LTB4R: variants seen among roughly 807,000 people sequenced by gnomAD.
LTB4R encodes leukotriene B4 receptor.
For synonymous variants in LTB4R, 250 were observed against 230.7 expected, an observed-to-expected ratio of 1.08 and a Z score of -0.76; for missense variants, 470 against 485.6, an observed-to-expected ratio of 0.97 and a Z score of 0.30.
At chr14:24,313,574 T>C (rs2041742845) in intron 1 of LTB4R, 2 of 82,066 alleles carry the variant, frequency 2.4e-5, no homozygotes, top group Admixed American at 3.4e-4. Context: ...GAAGGACTTT[T>C]TAGTTTCTTT....
intron 1 of LTB4R, among the ~76,000 whole-genome samples, chr14:24,312,758 G>A (rs897981572): frequency 6.6e-6 from 1 of 152,136 alleles, no homozygotes; most frequent in African/African-American, 2.4e-5. Flanking sequence ...CCCTTTGATT[G>A]GGGGATGTAG....
intron 1 of LTB4R, 154 bp downstream of exon 1, chr14:24,311,958 C>T (rs1056362969): frequency 1.1e-5 from 6 of 539,712 alleles, no homozygotes; most frequent in Non-Finnish European, 2.0e-5. Flanking sequence ...TGTGTGCTTG[C>T]AAGTTGGCAT....
chr14:24,312,646 T>G (rs2041728589), intron 1 of LTB4R, among the ~76,000 whole-genome samples: 1 of 152,210 alleles, frequency 6.6e-6, no homozygotes, highest in Non-Finnish European at 1.5e-5. Context: ...TCTGGGCTCC[T>G]TCTAAGATGC....
At position 24,317,097 on chromosome 14, in the gene LTB4R, C is replaced by A; in HGVS notation, c.*387C>A. ...AAAGAAACATAGACTTCCCCCATCC[C>A]AGATGATTCCGAGTACATAGTCTGC... On this transcript the variant is annotated 3_prime_UTR_variant, in exon 2 of 2. Transcript: ENST00000345363. 1 of 194,444 alleles carries A rather than the reference C, an allele frequency of 5.1e-6. No individual in the cohort carries two copies. Among genetic ancestry groups the A allele is most frequent in the Non-Finnish European group, 1.2e-5 (1 of 86,012 alleles). The allele number at this position is 194,444 out of a possible 1,614,324, so 12.0% of individuals were successfully genotyped here.
Position 24,315,715 on chromosome 14 carries a change from A to C in LTB4R, c.64A>C (p.Ile22Leu). Residue 22 changes from isoleucine (I) to leucine (L), a missense_variant, in exon 2 of 2, where the codon ATC (isoleucine) becomes CTC (leucine). Ile to Leu is a conservative substitution (Grantham distance 5, BLOSUM62 2). Coordinates refer to ENST00000345363, the MANE Select transcript of LTB4R (RefSeq NM_001143919.3). ...LGVEFISLLA[I>L]ILLSVALAVG... ...TGTAGAGTTCATCTCTCTGCTGGCT[A>C]TCATCCTGCTGTCAGTGGCGCTGGC... 6.2e-7 allele frequency: 1 copy of C among 1,614,170 alleles called. No individual in the cohort carries two copies. The highest frequency in any genetic ancestry group is 8.5e-7 in the Non-Finnish European group (1 of 1,180,026).
At position 24,316,576 on chromosome 14, in the gene LTB4R, G is replaced by T; in HGVS notation, c.925G>T (p.Gly309Cys). 6.9e-7 allele frequency: 1 copy of T among 1,439,780 alleles called. No homozygotes were observed. Among genetic ancestry groups the T allele is most frequent in the Non-Finnish European group, 9.1e-7 (1 of 1,104,076 alleles). The allele number at this position is 1,439,780 out of a possible 1,614,324, so 89.2% of individuals were successfully genotyped here. A position where few individuals can be genotyped will look rare whatever the true frequency, so the allele number is the denominator to read the frequency against. The change falls in exon 2 of 2, where the codon GGC becomes TGC. Residue 309 changes from glycine (G) to cysteine (C), a missense_variant. By Grantham distance (159) the Gly-to-Cys change is radical. Coordinates refer to ENST00000345363, the MANE Select transcript of LTB4R (RefSeq NM_001143919.3). ...GFVAKLLEGT[G>C]SEASSTRRGG... ...CGTCGCCAAGCTGCTGGAGGGCACG[G>T]GCTCCGAGGCGTCCAGCACGCGCCG...
Position 24,315,894 on chromosome 14 carries a change from C to T in LTB4R, c.243C>T (p.Gly81=), listed in dbSNP as rs764730020. The T allele has an allele frequency of 1.2e-6, 2 of 1,614,208 alleles. No homozygotes were observed. The highest frequency in any genetic ancestry group is 1.7e-6 in the Non-Finnish European group (2 of 1,180,038). Residue 81 remains glycine (G), a synonymous_variant, in exon 2 of 2, where the codon GGC becomes GGT. Transcript: ENST00000345363. ...APFFLHFLAQ[G]TWSFGLAGCR... ...TTTTCCTTCACTTCCTGGCCCAAGG[C>T]ACCTGGAGTTTTGGACTGGCTGGTT...
chr14:24,311,609 A>T lies in LTB4R; in HGVS notation c.-211A>T. On this transcript the variant is annotated 5_prime_UTR_variant, in exon 1 of 2. Coordinates refer to ENST00000345363, the MANE Select transcript of LTB4R (RefSeq NM_001143919.3). ...TCTTCGAAGGCTCTGGGGAGGCCCG[A>T]GGGGGCGGCCGCTCTAGGGAAGGGA... is the stretch of plus-strand genomic sequence containing the variant. 1 of 1,612,666 alleles carries T rather than the reference A, an allele frequency of 6.2e-7. No individual in the cohort carries two copies. The highest frequency in any genetic ancestry group is 8.5e-7 in the Non-Finnish European group (1 of 1,179,984).
intron 1 of LTB4R, among the ~76,000 whole-genome samples, chr14:24,315,326 G>C (rs1259203893): frequency 6.6e-6 from 1 of 152,128 alleles, no homozygotes; most frequent in East Asian, 1.9e-4. Context: ...TTGGTTCTGG[G>C]CTTTAGGGTC....
At position 24,317,795 on chromosome 14, in the gene LTB4R, G is replaced by GTGCAGAAGGA. The variant is rs1487866496; in HGVS notation, c.*1096_*1105dup. 5.9e-6 allele frequency: 1 copy of GTGCAGAAGGA among 170,532 alleles called. No individual in the cohort carries two copies. The highest frequency in any genetic ancestry group is 2.4e-5 in the African/African-American group (1 of 41,434). The allele number at this position is 170,532 out of a possible 1,614,324, so 10.6% of individuals were successfully genotyped here. A position where few individuals can be genotyped will look rare whatever the true frequency, so the allele number is the denominator to read the frequency against. On this transcript the variant is annotated 3_prime_UTR_variant, in exon 2 of 2. Coordinates refer to ENST00000345363, the MANE Select transcript of LTB4R (RefSeq NM_001143919.3). ...TCTCAAGACCCATATACCAGCATCT[G>GTGCAGAAGGA]TGCAGAAGGATGCAGAAGGAAGCAA...
Position 24,316,948 on chromosome 14 carries a change from C to T in LTB4R, c.*238C>T, listed in dbSNP as rs1195774490. On this transcript the variant is annotated 3_prime_UTR_variant, in exon 2 of 2. Coordinates refer to ENST00000345363, the MANE Select transcript of LTB4R (RefSeq NM_001143919.3). ...AACTGAAGTCTGAAATTTGGTCAACCTTGTGAGTGGGGTACATGTGCTGTG... is the reference window on the plus strand; with the variant it reads ...AACTGAAGTCTGAAATTTGGTCAACTTTGTGAGTGGGGTACATGTGCTGTG... 2.3e-6 allele frequency: 1 copy of T among 426,928 alleles called. No individual in the cohort carries two copies. Among genetic ancestry groups the T allele is most frequent in the Non-Finnish European group, 4.3e-6 (1 of 231,564 alleles). 26.4% of individuals were successfully genotyped at this position (426,928 alleles called of 1,614,324 possible).
chr14:24,315,935 AT>A lies in LTB4R; in HGVS notation c.285del (p.Tyr95Ter), dbSNP rs1382511816. On this transcript the variant is annotated frameshift_variant, in exon 2 of 2. Coordinates refer to ENST00000345363, the MANE Select transcript of LTB4R (RefSeq NM_001143919.3). LOFTEE classifies it low-confidence loss of function (END_TRUNC). ...CTGGCTGGTTGCCGCCTGTGTCACT[AT>A]GTCTGCGGAGTCAGCATGTACGCCA... ...FGLAGCRLCH[Y>X]VCGVSMYASV... 6.2e-7 allele frequency: 1 copy of A among 1,613,928 alleles called. No homozygotes were observed. Among genetic ancestry groups the A allele is most frequent in the Non-Finnish European group, 8.5e-7 (1 of 1,180,036 alleles).
At position 24,315,849 on chromosome 14, in the gene LTB4R, C is replaced by T. The variant is rs139523744; in HGVS notation, c.198C>T (p.Ala66=). ...TGAACCTGGCCCTGGCCGACCTGGC[C>T]GTATTGCTCACTGCTCCCTTTTTCC... The part of the protein sequence containing the change: ...MVLNLALADL[A]VLLTAPFFLH... Residue 66 remains alanine, a synonymous_variant, in exon 2 of 2, where the codon GCC becomes GCT. Coordinates refer to ENST00000345363, the MANE Select transcript of LTB4R (RefSeq NM_001143919.3). The T allele has an allele frequency of 1.0e-3, 1,611 of 1,614,222 alleles. 3 individuals are homozygous for T. Among genetic ancestry groups the T allele is most frequent in the Middle Eastern group, 3.1e-3 (19 of 6,062 alleles).
In LTB4R at chr14:24,315,734, C is replaced by A; in HGVS notation, c.83C>A (p.Ala28Glu). 1 of 1,614,140 alleles carries A rather than the reference C, an allele frequency of 6.2e-7. No homozygotes were observed. Among genetic ancestry groups the A allele is most frequent in the African/African-American group, 1.3e-5 (1 of 75,050 alleles). Residue 28 changes from alanine to glutamate, a missense_variant, in exon 2 of 2, where the codon GCG (alanine) becomes GAG (glutamate). Transcript: ENST00000345363. ...SLLAIILLSV[A>E]LAVGLPGNSF... ...CTGGCTATCATCCTGCTGTCAGTGG[C>A]GCTGGCTGTGGGGCTTCCCGGCAAC...
At chr14:24,312,076 A>G in intron 1 of LTB4R, 1 of 278,588 alleles carries the variant, frequency 3.6e-6, no homozygotes, top group Non-Finnish European at 7.1e-6. Flanking sequence ...GTGGTTCTTC[A>G]TGCCTGAGTT....
rs1328682929 is a variant in LTB4R at position 24,316,013 on chromosome 14, G to A, written c.362G>A (p.Arg121His). 2.5e-6 allele frequency: 4 copies of A among 1,613,740 alleles called. No homozygotes were observed. The highest frequency in any genetic ancestry group is 2.5e-6 in the Non-Finnish European group (3 of 1,180,032). Residue 121 changes from arginine to histidine, a missense_variant, in exon 2 of 2, where the codon CGC (arginine) becomes CAC (histidine). Transcript: ENST00000345363. The part of the protein sequence containing the change: ...MSLDRSLAVA[R>H]PFVSQKLRTK... ...CTAGACCGCTCACTGGCGGTGGCCC[G>A]CCCCTTTGTGTCCCAGAAGCTACGC...
In LTB4R at chr14:24,315,843, C is replaced by T. The variant is rs2041763294; in HGVS notation, c.192C>T (p.Asp64=). The change falls in exon 2 of 2, where the codon GAC becomes GAT. Residue 64 remains aspartate, a synonymous_variant. Coordinates refer to ENST00000345363, the MANE Select transcript of LTB4R (RefSeq NM_001143919.3). ...ALMVLNLALA[D]LAVLLTAPFF... is the part of the protein sequence containing the mutation. Reference sequence around the variant, plus strand: ...TGGTGCTGAACCTGGCCCTGGCCGACCTGGCCGTATTGCTCACTGCTCCCT... The same window carrying T: ...TGGTGCTGAACCTGGCCCTGGCCGATCTGGCCGTATTGCTCACTGCTCCCT... 4 of 1,614,126 alleles carry T rather than the reference C, an allele frequency of 2.5e-6. No homozygotes were observed. Among genetic ancestry groups the T allele is most frequent in the Non-Finnish European group, 3.4e-6 (4 of 1,180,044 alleles).
rs551300415 is a variant in LTB4R at position 24,316,054 on chromosome 14, C to T, written c.403C>T (p.Arg135Trp). ...GAAGCTACGCACCAAGGCGATGGCC[C>T]GGCGGGTGCTGGCAGGCATCTGGGT... is the stretch of plus-strand genomic sequence containing the variant. ...SQKLRTKAMA[R>W]RVLAGIWVLS... Residue 135 changes from arginine (R) to tryptophan (W), a missense_variant, in exon 2 of 2, where the codon CGG becomes TGG. Arg to Trp is a moderately radical substitution (Grantham distance 101, BLOSUM62 -3). Transcript: ENST00000345363. The T allele has an allele frequency of 3.7e-6, 6 of 1,613,212 alleles. No homozygotes were observed. Among genetic ancestry groups the T allele is most frequent in the Admixed American group, 3.3e-5 (2 of 60,014 alleles).
chr14:24,313,202 G>C (rs2041738058), intron 1 of LTB4R: 1 of 152,198 alleles, frequency 6.6e-6, no homozygotes, highest in Non-Finnish European at 1.5e-5. Context: ...TCTGTCTGAA[G>C]GGGCCTCTGG....
Sources: gnomAD v4.1 joint callset for allele counts (sites outside exome capture counted in the v4.1 genomes callset) on GRCh38, gnomAD v4.1.1 for gene constraint, MANE v1.5 for transcripts, NCBI Gene and HGNC (gene_info 2026-07-23, HGNC 2026-07-21) for gene names.